Variants in ACOT7 observed in about 807,000 individuals in gnomAD.
ACOT7 encodes the protein cytosolic acyl coenzyme A thioester hydrolase.
Under a neutral mutation model 40.2 loss-of-function variants are expected in ACOT7, and 12 were observed. That is an observed-to-expected ratio of 0.30 (90% CI 0.19 to 0.48). The LOEUF (loss-of-function observed/expected upper bound fraction) is 0.48. ACOT7 is among the 20% of genes least tolerant of loss of function. ACOT7 has a pLI of 0.99. For missense variants in ACOT7, 395 were observed against 530.8 expected, an observed-to-expected ratio of 0.74 and a Z score of 2.51; for synonymous variants, 228 against 219.5, an observed-to-expected ratio of 1.04 and a Z score of -0.34.
At chr1:6,269,724 G>C (rs1215870788) in intron 8 of ACOT7, among the ~76,000 whole-genome samples, 1 of 152,246 alleles carries the variant, frequency 6.6e-6, no homozygotes, top group Non-Finnish European at 1.5e-5. Flanking sequence ...TCTGATGATG[G>C]ATGGATGTGT....
intron 2 of ACOT7, among the ~76,000 whole-genome samples, chr1:6,348,880 G>C (rs1641509066): frequency 6.6e-6 from 1 of 152,170 alleles, no homozygotes; most frequent in Non-Finnish European, 1.5e-5. Flanking sequence ...CCTCTTGATA[G>C]AGTGGCATTA....
chr1:6,392,728 G>A (rs1487029721), intron 1 of ACOT7, among the ~76,000 whole-genome samples: 1 of 152,180 alleles, frequency 6.6e-6, no homozygotes. Context: ...CGGTAGCTCT[G>A]CAACCTCCTC....
intron 4 of ACOT7, among the ~76,000 whole-genome samples, chr1:6,333,048 C>T (rs1191712814): frequency 6.6e-6 from 1 of 152,130 alleles, no homozygotes; most frequent in Non-Finnish European, 1.5e-5. Flanking sequence ...GCTGGCCCGG[C>T]CCCCGCAGCC....
At chr1:6,369,788 C>A (rs1642094385) in intron 1 of ACOT7, among the ~76,000 whole-genome samples, 1 of 152,090 alleles carries the variant, frequency 6.6e-6, no homozygotes, top group South Asian at 2.1e-4. Flanking sequence ...ACATGTTGCC[C>A]AGGCTAGTCT....
intron 4 of ACOT7, among the ~76,000 whole-genome samples, chr1:6,328,999 C>T (rs1288572054): frequency 2.0e-5 from 3 of 151,766 alleles, no homozygotes; most frequent in Non-Finnish European, 4.4e-5. Flanking sequence ...CTTCTGCTCT[C>T]ACATTCACTC....
chr1:6,360,468 G>C, intron 1 of ACOT7: 1 of 1,487,714 alleles, frequency 6.7e-7, no homozygotes, highest in Non-Finnish European at 9.3e-7. Flanking sequence ...GGGTCTTGAA[G>C]CCACAGCGTC....
chr1:6,281,085 C>T lies in ACOT7; in HGVS notation c.1014+17G>A. The stretch of plus-strand genomic sequence containing the variant: ...GCCTGGCAGGGAGGGGCCGCCGTTC[C>T]AAGGATGCGCACTCACCACCAGCTG... On this transcript the variant is annotated intron_variant, in intron 8 of 8. Transcript: ENST00000361521. 1 of 1,611,278 alleles carries T rather than the reference C, an allele frequency of 6.2e-7. No individual in the cohort carries two copies. The highest frequency in any genetic ancestry group is 1.1e-5 in the South Asian group (1 of 90,924).
intron 1 of ACOT7, among the ~76,000 whole-genome samples, chr1:6,368,456 T>G (rs1642063048): frequency 6.6e-6 from 1 of 151,876 alleles, no homozygotes; most frequent in Non-Finnish European, 1.5e-5. Context: ...GCCCCCACAC[T>G]CCATATGCAG....
At chr1:6,337,208 G>C (rs1413114360) in intron 3 of ACOT7, among the ~76,000 whole-genome samples, 1 of 152,244 alleles carries the variant, frequency 6.6e-6, no homozygotes, top group Non-Finnish European at 1.5e-5. Flanking sequence ...AGGAGGAGAA[G>C]GCCGAGGGCT....
chr1:6,393,340 C>G lies in ACOT7; in HGVS notation c.60G>C (p.Leu20=). 8.0e-7 allele frequency: 1 copy of G among 1,253,838 alleles called. No individual in the cohort carries two copies. Among genetic ancestry groups the G allele is most frequent in the East Asian group, 3.0e-5 (1 of 33,206 alleles). 77.7% of individuals were successfully genotyped at this position (1,253,838 alleles called of 1,614,324 possible). ...APGLPDTCAL[L]QPPAASAAAA... ...CGGCGGCGGATGCGGCGGGCGGCTG[C>G]AGAAGGGCGCAGGTGTCTGGCAGGC... The change falls in exon 1 of 9, where the codon CTG becomes CTC. Residue 20 remains leucine, a synonymous_variant. Transcript: ENST00000361521.
chr1:6,321,888 G>A (rs1350790748), intron 5 of ACOT7, among the ~76,000 whole-genome samples: 3 of 152,180 alleles, frequency 2.0e-5, no homozygotes, highest in African/African-American at 4.8e-5. Flanking sequence ...TTTTCATGCC[G>A]CCAATTTCTG....
At chr1:6,367,997 G>A (rs1445622556) in intron 1 of ACOT7, among the ~76,000 whole-genome samples, 1 of 152,168 alleles carries the variant, frequency 6.6e-6, no homozygotes, top group African/African-American at 2.4e-5. Flanking sequence ...TGGTCATCCT[G>A]TCATCTTTCT....
intron 8 of ACOT7, among the ~76,000 whole-genome samples, chr1:6,276,383 A>C (rs1018567614): frequency 4.0e-4 from 61 of 152,096 alleles, no homozygotes; most frequent in African/African-American, 1.4e-3. Context: ...TGCCACGGGG[A>C]GGCCTGCCTC....
At chr1:6,291,288 A>G (rs945943787) in intron 7 of ACOT7, among the ~76,000 whole-genome samples, 2 of 152,088 alleles carry the variant, frequency 1.3e-5, no homozygotes, top group African/African-American at 4.8e-5. Flanking sequence ...AAGTGTCCTT[A>G]TAAGAGACAG....
chr1:6,374,862 A>G (rs367944660), intron 1 of ACOT7, among the ~76,000 whole-genome samples: 49 of 152,194 alleles, frequency 3.2e-4, no homozygotes, highest in African/African-American at 1.0e-3. Flanking sequence ...GTCAGAGGAG[A>G]AAAACCAAGT....
intron 1 of ACOT7, among the ~76,000 whole-genome samples, chr1:6,361,683 G>C (rs1641897481): frequency 1.3e-5 from 2 of 152,276 alleles, no homozygotes; most frequent in African/African-American, 4.8e-5. Flanking sequence ...TGCAATCCCA[G>C]CTACCAGGGA....
At position 6,311,108 on chromosome 1, in the gene ACOT7, G is replaced by C. The variant is rs1249351478; in HGVS notation, c.712+7384C>G. 6.6e-6 allele frequency among the ~76,000 whole-genome samples: 1 copy of C among 152,150 alleles called. No homozygotes were observed. Among genetic ancestry groups the C allele is most frequent in the East Asian group, 1.9e-4 (1 of 5,198 alleles). ...GATGAGTTTAGGAAACTCTATTGTGGCCCCTCTTCCCTGCCACATGCTCCA... is the reference window on the plus strand; with the variant it reads ...GATGAGTTTAGGAAACTCTATTGTGCCCCCTCTTCCCTGCCACATGCTCCA... On this transcript the variant is annotated intron_variant, in intron 6 of 8. Coordinates refer to ENST00000361521, the MANE Select transcript of ACOT7 (RefSeq NM_007274.4). This position sits in a 1 kb window ranked among gnomAD's most constrained non-coding sequence, Gnocchi z 5.2.
intron 5 of ACOT7, among the ~76,000 whole-genome samples, chr1:6,326,705 C>T (rs1640806210): frequency 6.6e-6 from 1 of 152,158 alleles, no homozygotes; most frequent in Non-Finnish European, 1.5e-5. Context: ...GCAGGCTCAT[C>T]ACTTGAGGTC....
At chr1:6,264,948 G>T (rs566534709) in intron 8 of ACOT7, among the ~76,000 whole-genome samples, 1 of 152,334 alleles carries the variant, frequency 6.6e-6, no homozygotes, top group South Asian at 2.1e-4. Context: ...TTGAGGGGCC[G>T]CAGGAGCCAC....
Sources: gnomAD v4.1 joint callset for allele counts (sites outside exome capture counted in the v4.1 genomes callset) on GRCh38, gnomAD v4.1.1 for gene constraint, Gnocchi (gnomAD v3.1) non-coding constraint, MANE v1.5 for transcripts, NCBI Gene and HGNC (gene_info 2026-07-23, HGNC 2026-07-21) for gene names.